SLC35F4: variants seen among roughly 807,000 people sequenced by gnomAD.
The protein encoded by SLC35F4 is chromosome 14 open reading frame 36.
Under a neutral mutation model 44.2 loss-of-function variants are expected in SLC35F4, and 24 were observed. That is an observed-to-expected ratio of 0.54 (90% CI 0.39 to 0.76). The LOEUF (loss-of-function observed/expected upper bound fraction) is 0.76, where lower values mean the gene tolerates loss of function less well. Among genes scored for constraint, SLC35F4 ranks in the 30% least tolerant of loss-of-function variants. The pLI, the probability that SLC35F4 is intolerant of heterozygous loss-of-function variation, is 0.00. For missense variants in SLC35F4, 562 were observed against 586.1 expected (o/e 0.96, Z 0.42); for synonymous variants, 238 against 223.6 (o/e 1.06, Z -0.57).
intron 1 of SLC35F4, among the ~76,000 whole-genome samples, chr14:57,781,973 T>C (rs2077632011): frequency 6.6e-6 from 1 of 152,174 alleles, no homozygotes; most frequent in African/African-American, 2.4e-5. Context: ...CTAGGTTTAA[T>C]ACCTGGGTGA....
At chr14:57,581,496 C>T (rs1302777791) in intron 3 of SLC35F4, 63 bp from the exon 4 acceptor site, 15 of 1,414,138 alleles carry the variant, frequency 1.1e-5, no homozygotes, top group Non-Finnish European at 1.4e-5. Context: ...TCTTATCTGA[C>T]TCATCGCAGC....
At chr14:57,738,570 A>T (rs2076522667) in intron 1 of SLC35F4, among the ~76,000 whole-genome samples, 1 of 151,848 alleles carries the variant, frequency 6.6e-6, no homozygotes, top group Non-Finnish European at 1.5e-5. Flanking sequence ...TATATAATAC[A>T]TGCAAAGATG....
intron 1 of SLC35F4, chr14:57,596,088 G>A (rs905356911): frequency 9.2e-5 from 14 of 152,376 alleles, no homozygotes; most frequent in African/African-American, 3.1e-4. Context: ...AATGATAAAT[G>A]CTTGAGGTGA....
At chr14:57,782,782 A>T (rs2077656265) in intron 1 of SLC35F4, among the ~76,000 whole-genome samples, 1 of 152,218 alleles carries the variant, frequency 6.6e-6, no homozygotes, top group African/African-American at 2.4e-5. Flanking sequence ...GTTTAGTGCA[A>T]TACCATAAAC....
chr14:57,917,182 T>A (rs1009518287), intron 1 of SLC35F4, among the ~76,000 whole-genome samples: 1 of 152,114 alleles, frequency 6.6e-6, no homozygotes, highest in African/African-American at 2.4e-5. Flanking sequence ...TGCCTCAGCC[T>A]CCCGAGTAGC....
At chr14:57,943,965 T>C (rs1471022207) in intron 1 of SLC35F4, among the ~76,000 whole-genome samples, 1 of 152,176 alleles carries the variant, frequency 6.6e-6, no homozygotes, top group Non-Finnish European at 1.5e-5. Flanking sequence ...ATGGGAGAGA[T>C]GACAGGCAGC....
At chr14:57,946,923 T>C (rs1890044048) in intron 1 of SLC35F4, among the ~76,000 whole-genome samples, 1 of 152,162 alleles carries the variant, frequency 6.6e-6, no homozygotes, top group Non-Finnish European at 1.5e-5. Context: ...GGTTTGTTTT[T>C]GTTTTTGTTT....
At chr14:57,635,204 C>T (rs999151982) in intron 1 of SLC35F4, among the ~76,000 whole-genome samples, 3 of 150,736 alleles carry the variant, frequency 2.0e-5, no homozygotes, top group Non-Finnish European at 4.4e-5. Context: ...TATGATCATG[C>T]CATTGCACTA....
intron 1 of SLC35F4, among the ~76,000 whole-genome samples, chr14:57,758,063 C>T (rs10133553): frequency 0.12 from 18,030 of 146,764 alleles, 1,299 homozygotes; most frequent in South Asian, 0.2. Context: ...CTTTTAAAAA[C>T]GTTGCACCAC....
chr14:57,975,794 C>T (rs1264386354), downstream of SLC35F4, among the ~76,000 whole-genome samples: 1 of 152,058 alleles, frequency 6.6e-6, no homozygotes, highest in Non-Finnish European at 1.5e-5. Context: ...GAAAAAGGTG[C>T]CATTGAGATG....
intron 1 of SLC35F4, among the ~76,000 whole-genome samples, chr14:57,965,135 T>G (rs949562407): frequency 6.6e-6 from 1 of 152,042 alleles, no homozygotes; most frequent in African/African-American, 2.4e-5. Context: ...TATCTCACAA[T>G]AATTCTGTAG....
At chr14:57,776,099 G>GA (rs1447802952) in intron 1 of SLC35F4, among the ~76,000 whole-genome samples, 5 of 152,094 alleles carry the variant, frequency 3.3e-5, no homozygotes, top group Admixed American at 2.0e-4. Flanking sequence ...GAGAATAAAA[G>GA]AAAGAAAAGA....
At chr14:57,890,740 T>G (rs1888744064) in intron 1 of SLC35F4, among the ~76,000 whole-genome samples, 1 of 152,096 alleles carries the variant, frequency 6.6e-6, no homozygotes, top group Non-Finnish European at 1.5e-5. Flanking sequence ...ATGACAAATA[T>G]TATCAAAAGT....
chr14:57,674,563 G>A (rs1594768825), intron 1 of SLC35F4, among the ~76,000 whole-genome samples: 1 of 152,116 alleles, frequency 6.6e-6, no homozygotes, highest in Non-Finnish European at 1.5e-5. Flanking sequence ...GCAACAATGT[G>A]GGTGGATCTC....
rs146757518 is a variant in SLC35F4, at chr14:57,805,667, G to A, written c.103+60056C>T. The stretch of plus-strand genomic sequence containing the variant: ...AGAGCATCAGGAAGAACAGCTAATG[G>A]ATGCTGGGCTTAATACTTAGGTGAT... On this transcript the variant is annotated intron_variant, in intron 1 of 7. Coordinates refer to ENST00000556826, the MANE Select transcript of SLC35F4 (RefSeq NM_001306087.2). 6.0e-3 allele frequency among the ~76,000 whole-genome samples: 917 copies of A among 152,176 alleles called. 3 individuals carry two copies. Among genetic ancestry groups the A allele is most frequent in the South Asian group, 0.013 (61 of 4,810 alleles).
At chr14:57,784,739 C>T (rs1468783092) in intron 1 of SLC35F4, among the ~76,000 whole-genome samples, 2 of 152,086 alleles carry the variant, frequency 1.3e-5, no homozygotes, top group Non-Finnish European at 2.9e-5. Flanking sequence ...ACAAAAATAA[C>T]GATGCATTTT....
chr14:57,766,127 G>A (rs1594999667), intron 1 of SLC35F4, among the ~76,000 whole-genome samples: 1 of 152,266 alleles, frequency 6.6e-6, no homozygotes, highest in African/African-American at 2.4e-5. Context: ...TTTGCCTATA[G>A]CCCAGGAGGC....
intron 1 of SLC35F4, among the ~76,000 whole-genome samples, chr14:57,905,336 G>A (rs1479218053): frequency 1.3e-5 from 2 of 152,192 alleles, no homozygotes; most frequent in African/African-American, 4.8e-5. Context: ...AAGCTGCAAT[G>A]TCTTATATGA....
intron 1 of SLC35F4, among the ~76,000 whole-genome samples, chr14:57,689,915 T>C (rs2075180151): frequency 6.6e-6 from 1 of 152,152 alleles, no homozygotes; most frequent in Non-Finnish European, 1.5e-5. Flanking sequence ...AAAATAAAGA[T>C]ACAGCTCAAA....
Sources: gnomAD v4.1 joint callset for allele counts (sites outside exome capture counted in the v4.1 genomes callset) on GRCh38, gnomAD v4.1.1 for gene constraint, MANE v1.5 for transcripts, NCBI Gene and HGNC (gene_info 2026-07-23, HGNC 2026-07-21) for gene names.